Variants in ALK observed in about 807,000 individuals in gnomAD.
ALK encodes the protein ALK receptor tyrosine kinase, also known as ALK tyrosine kinase receptor.
Under a neutral mutation model 163.1 loss-of-function variants are expected in ALK, and 74 were observed. The ratio of observed to expected loss-of-function variants is 0.45; its 90% confidence interval spans 0.38 to 0.55. The LOEUF is 0.55. Ranked by LOEUF, ALK falls within the 20% of genes least tolerant of loss-of-function variation. ALK has a pLI of 0.00. For missense variants in ALK, 2,063 were observed against 2,105.3 expected (o/e 0.98, Z 0.39); for synonymous variants, 960 against 843.2 (o/e 1.14, Z -2.40).
intron 3 of ALK, among the ~76,000 whole-genome samples, chr2:29,607,245 C>G (rs754264680): frequency 6.6e-6 from 1 of 152,144 alleles, no homozygotes; most frequent in South Asian, 2.1e-4. Context: ...TCCTCCTTGA[C>G]GGGCGTGGTA....
At chr2:29,240,139 G>A (rs376395064) in intron 12 of ALK, among the ~76,000 whole-genome samples, 22 of 141,226 alleles carry the variant, frequency 1.6e-4, no homozygotes, top group East Asian at 1.2e-3. Context: ...AGGGGAGAGA[G>A]AGAGGGAAAC....
chr2:29,709,545 C>T (rs538313290), intron 2 of ALK, among the ~76,000 whole-genome samples: 9 of 152,166 alleles, frequency 5.9e-5, no homozygotes, highest in Admixed American at 2.0e-4. Flanking sequence ...AAATGCTTAA[C>T]GTCTAGGAAG....
At chr2:29,859,464 G>C (rs887253978) in intron 1 of ALK, among the ~76,000 whole-genome samples, 1 of 152,142 alleles carries the variant, frequency 6.6e-6, no homozygotes. Context: ...AAACTACTTA[G>C]ACTTCACCCA....
intron 3 of ALK, among the ~76,000 whole-genome samples, chr2:29,557,745 C>A (rs760953925): frequency 4.6e-5 from 7 of 152,092 alleles, no homozygotes; most frequent in Non-Finnish European, 4.4e-5. Context: ...TGAAAACAAG[C>A]AAGAACAAAA....
intron 4 of ALK, among the ~76,000 whole-genome samples, chr2:29,400,794 G>A (rs547891987): frequency 6.6e-6 from 1 of 152,198 alleles, no homozygotes; most frequent in South Asian, 2.1e-4. Context: ...GACCAACATG[G>A]AGAAACCCTG....
intron 3 of ALK, among the ~76,000 whole-genome samples, chr2:29,688,917 C>T (rs889978831): frequency 2.0e-5 from 3 of 152,128 alleles, no homozygotes; most frequent in Non-Finnish European, 2.9e-5. Context: ...CCATAAATGC[C>T]GGACTTGAAG....
chr2:29,793,036 C>T (rs1019443868), intron 1 of ALK, among the ~76,000 whole-genome samples: 2 of 151,952 alleles, frequency 1.3e-5, no homozygotes, highest in Admixed American at 1.3e-4. Context: ...GCATTTTGCC[C>T]ACAGTAAATC....
intron 5 of ALK, among the ~76,000 whole-genome samples, chr2:29,381,808 T>C (rs1668903114): frequency 6.6e-6 from 1 of 152,240 alleles, no homozygotes; most frequent in African/African-American, 2.4e-5. Flanking sequence ...AAGTAACCCC[T>C]TCCCTTTAAA....
intron 8 of ALK, among the ~76,000 whole-genome samples, chr2:29,312,414 G>A (rs969117116): frequency 6.6e-6 from 1 of 152,092 alleles, no homozygotes; most frequent in Non-Finnish European, 1.5e-5. Flanking sequence ...CTTCCTCCAA[G>A]GGCTAAGGGA....
At chr2:29,758,204 G>T (rs961458106) in intron 1 of ALK, among the ~76,000 whole-genome samples, 1 of 151,800 alleles carries the variant, frequency 6.6e-6, no homozygotes, top group African/African-American at 2.4e-5. Context: ...TAGAGACAGG[G>T]TTTTGCTATG....
intron 25 of ALK, 78 bp downstream of exon 25, chr2:29,209,708 G>C (rs1481916297): frequency 1.9e-6 from 2 of 1,052,624 alleles, no homozygotes; most frequent in Admixed American, 1.8e-5. Context: ...TGATGTAAGG[G>C]ACAAGCAGCC....
chr2:29,606,780 T>A (rs1003107062), intron 3 of ALK, among the ~76,000 whole-genome samples: 8 of 152,200 alleles, frequency 5.3e-5, no homozygotes, highest in African/African-American at 1.2e-4. Flanking sequence ...ATCTAAGATA[T>A]TTGTATCTGA....
At position 29,220,721 on chromosome 2, in the gene ALK, C is replaced by T. The variant is rs780746584; in HGVS notation, c.3630G>A (p.Glu1210=). Residue 1210 remains glutamate (E), a synonymous_variant, in exon 23 of 29, where the codon GAG becomes GAA. Transcript: ENST00000389048. ...TCTCACTCACCGGGCGAGGGCGGGT[C>T]TCTCGGAGGAAGGACTTGAGGTCTC... ...AGGDLKSFLR[E]TRPRPSQPSS... 1.6e-5 allele frequency: 26 copies of T among 1,613,824 alleles called. No individual in the cohort carries two copies. The highest frequency in any genetic ancestry group is 2.0e-5 in the Non-Finnish European group (24 of 1,179,792).
At chr2:29,239,598 G>T in intron 13 of ALK, 82 bp downstream of exon 13, 1 of 1,517,074 alleles carries the variant, frequency 6.6e-7, no homozygotes, top group South Asian at 1.1e-5. Context: ...CCAGGAGGAG[G>T]GTGTTGAGTG....
Position 29,403,777 on chromosome 2 carries a change from T to C in ALK, c.1155-19918A>G, listed in dbSNP as rs114614690. On this transcript the variant is annotated intron_variant, in intron 4 of 28. Coordinates refer to ENST00000389048, the MANE Select transcript of ALK (RefSeq NM_004304.5). ...AGGAAAGAAAATTAGCCAGGCATGA[T>C]AGTGTATGCTTGTAATACCAGCTAC... Among the ~76,000 whole-genome samples, 83 of 142,498 alleles carry C rather than the reference T, an allele frequency of 5.8e-4. No homozygotes were observed. The East Asian group carries it at 0.013, about 23-fold the overall frequency. The allele number at this position is 142,498 out of a possible 152,430, so 93.5% of individuals were successfully genotyped here.
chr2:29,431,521 G>A (rs1445143529), intron 4 of ALK, among the ~76,000 whole-genome samples: 1 of 152,168 alleles, frequency 6.6e-6, no homozygotes, highest in Non-Finnish European at 1.5e-5. Context: ...ACAAATCAAG[G>A]AGGTCAAACC....
chr2:29,623,468 G>A (rs543623851), intron 3 of ALK, among the ~76,000 whole-genome samples: 3 of 54,304 alleles, frequency 5.5e-5, no homozygotes, highest in Non-Finnish European at 1.5e-4. Flanking sequence ...TAATGATTAT[G>A]TGAAATAAAA....
chr2:29,723,461 G>A (rs898176299), intron 1 of ALK, among the ~76,000 whole-genome samples: 5 of 152,188 alleles, frequency 3.3e-5, no homozygotes, highest in Admixed American at 2.6e-4. Context: ...ACATATATGT[G>A]TTCTGTATAT....
intron 3 of ALK, among the ~76,000 whole-genome samples, chr2:29,644,169 A>G (rs1474012478): frequency 6.8e-6 from 1 of 146,492 alleles, no homozygotes; most frequent in African/African-American, 2.5e-5. Flanking sequence ...AACACCGCAT[A>G]TTCTCACTCA....
Sources: gnomAD v4.1 joint callset for allele counts (sites outside exome capture counted in the v4.1 genomes callset) on GRCh38, gnomAD v4.1.1 for gene constraint, MANE v1.5 for transcripts, NCBI Gene and HGNC (gene_info 2026-07-23, HGNC 2026-07-21) for gene names.